The following RAB11FIP4 variants were observed in gnomAD, a reference collection of about 807,000 sequenced individuals.
RAB11FIP4 encodes the protein rab11 family-interacting protein 4.
In RAB11FIP4, 23 loss-of-function variants were observed where a neutral mutation model predicts 74.3. That is an observed-to-expected ratio of 0.31 (90% confidence interval 0.22 to 0.44). The LOEUF is 0.44. Among genes scored for constraint, RAB11FIP4 ranks in the 20% least tolerant of loss-of-function variants. RAB11FIP4 has a pLI of 1.00. For synonymous variants in RAB11FIP4, 360 were observed against 359.9 expected (o/e 1.00, Z 0.00); for missense variants, 630 against 863.9 (o/e 0.73, Z 3.39).
chr17:31,427,763 G>A (rs1325428067), intron 1 of RAB11FIP4, among the ~76,000 whole-genome samples: 1 of 152,194 alleles, frequency 6.6e-6, no homozygotes, highest in Non-Finnish European at 1.5e-5. Context: ...CCCCTATAAT[G>A]CCAGCGATGC....
At chr17:31,441,032 T>G (rs2071402630) in intron 3 of RAB11FIP4, among the ~76,000 whole-genome samples, 1 of 152,154 alleles carries the variant, frequency 6.6e-6, no homozygotes, top group African/African-American at 2.4e-5. Context: ...TTTGGTTTTT[T>G]GGGTTTTTTG....
chr17:31,455,177 G>A (rs886807640), intron 3 of RAB11FIP4, among the ~76,000 whole-genome samples: 4 of 152,158 alleles, frequency 2.6e-5, no homozygotes, highest in Non-Finnish European at 5.9e-5. Flanking sequence ...GTCAGACCCA[G>A]GGTTTATATA....
At chr17:31,451,684 G>A (rs2071529125) in intron 3 of RAB11FIP4, among the ~76,000 whole-genome samples, 1 of 152,122 alleles carries the variant, frequency 6.6e-6, no homozygotes, top group South Asian at 2.1e-4. Flanking sequence ...TCTGCACAGG[G>A]CCTTTGCCTG....
At chr17:31,392,532 A>G (rs2070884824) in intron 1 of RAB11FIP4, 2 of 152,246 alleles carry the variant, frequency 1.3e-5, no homozygotes, top group African/African-American at 4.8e-5. Context: ...CTCCCGGGCC[A>G]GTGTCGGGTG....
chr17:31,458,020 C>T (rs2071595947), intron 3 of RAB11FIP4, among the ~76,000 whole-genome samples: 1 of 152,204 alleles, frequency 6.6e-6, no homozygotes, highest in Non-Finnish European at 1.5e-5. Context: ...CCATGCTAAT[C>T]TCCTTTAACC....
In RAB11FIP4 at chr17:31,413,763, G is replaced by A. The variant is rs74979614; in HGVS notation, c.160-18050G>A. On this transcript the variant is annotated intron_variant, in intron 1 of 14. Transcript: ENST00000621161. ...TGCAAGGATTTGGGGTAACACCTTC[G>A]AGGGGGTTACATTGTGATGGATTCT... Among the ~76,000 whole-genome samples the A allele has an allele frequency of 5.5e-4, 84 of 152,234 alleles. 2 individuals carry two copies. In the East Asian group the frequency reaches 0.012, roughly 21 times the overall value.
intron 3 of RAB11FIP4, chr17:31,509,170 A>T (rs1258996450): frequency 1.3e-5 from 2 of 152,572 alleles, no homozygotes; most frequent in Non-Finnish European, 2.9e-5. Context: ...CAAGCCCAGG[A>T]GTTTGAAACC....
At chr17:31,488,804 G>C (rs1429162275) in intron 3 of RAB11FIP4, among the ~76,000 whole-genome samples, 1 of 152,212 alleles carries the variant, frequency 6.6e-6, no homozygotes, top group African/African-American at 2.4e-5. Context: ...GTGGTGGGAG[G>C]TGTGTTGTGG....
intron 3 of RAB11FIP4, among the ~76,000 whole-genome samples, chr17:31,441,032 T>TG (rs1036036063): frequency 1.3e-5 from 2 of 152,154 alleles, no homozygotes; most frequent in Non-Finnish European, 2.9e-5. Flanking sequence ...TTTGGTTTTT[T>TG]GGGTTTTTTG....
intron 3 of RAB11FIP4, among the ~76,000 whole-genome samples, chr17:31,438,565 GC>G (rs2071381354): frequency 6.6e-6 from 1 of 151,892 alleles, no homozygotes; most frequent in African/African-American, 2.4e-5. Context: ...CCTGTCCTCA[GC>G]CTTCCTCTCT....
rs527809852 is a variant in RAB11FIP4, at chr17:31,486,020, G to A, written c.337-31631G>A. Among the ~76,000 whole-genome samples, 26 of 152,004 alleles carry A rather than the reference G, an allele frequency of 1.7e-4. 1 individual carries two copies. Among genetic ancestry groups the A allele is most frequent in the Admixed American group, 1.6e-3 (24 of 15,284 alleles). On this transcript the variant is annotated intron_variant, in intron 3 of 14. Coordinates refer to ENST00000621161, the MANE Select transcript of RAB11FIP4 (RefSeq NM_032932.6). Reference sequence around the variant, plus strand: ...GGAGGCCAAGGCGGGCAGATCATGAGGTTAGGAGTTCAAGACCAGCCTGGC... The same window carrying A: ...GGAGGCCAAGGCGGGCAGATCATGAAGTTAGGAGTTCAAGACCAGCCTGGC...
At chr17:31,520,094 CAAAAAAA>C (rs10612669) in intron 4 of RAB11FIP4, among the ~76,000 whole-genome samples, 2 of 91,774 alleles carry the variant, frequency 2.2e-5, no homozygotes, top group Non-Finnish European at 5.0e-5. Context: ...ACTCTGTCTC[CAAAAAAA>C]AAAAAAAAAA....
intron 3 of RAB11FIP4, among the ~76,000 whole-genome samples, chr17:31,479,361 G>C (rs1227377191): frequency 6.6e-6 from 1 of 152,190 alleles, no homozygotes; most frequent in Non-Finnish European, 1.5e-5. Context: ...CTTCAGAAAA[G>C]GCTTCCGCTA....
intron 7 of RAB11FIP4, chr17:31,522,631 T>C: frequency 1.8e-6 from 1 of 542,200 alleles, no homozygotes; most frequent in Non-Finnish European, 3.3e-6. Context: ...CTAGGTCACC[T>C]TGACTTCAGG....
intron 1 of RAB11FIP4, among the ~76,000 whole-genome samples, chr17:31,398,113 G>A (rs933908203): frequency 2.5e-4 from 38 of 151,716 alleles, no homozygotes; most frequent in African/African-American, 8.2e-4. Context: ...GCAGTGGCTC[G>A]TTGCAACCTC....
chr17:31,455,923 G>C (rs178868), intron 3 of RAB11FIP4, among the ~76,000 whole-genome samples: 85,848 of 151,494 alleles, frequency 0.57, 24,939 homozygotes, highest in African/African-American at 0.68. Context: ...CCTCCGCTGA[G>C]AGTGCCATCC....
intron 3 of RAB11FIP4, chr17:31,488,331 G>A (rs1460956685): frequency 2.4e-4 from 272 of 1,138,740 alleles, no homozygotes; most frequent in Non-Finnish European, 1.8e-4. Context: ...ACCTGGCTCG[G>A]CCCGGCCCGC....
intron 3 of RAB11FIP4, among the ~76,000 whole-genome samples, chr17:31,507,104 C>T (rs1464085735): frequency 6.6e-6 from 1 of 152,080 alleles, no homozygotes; most frequent in Non-Finnish European, 1.5e-5. Flanking sequence ...ATGGTGAAAC[C>T]CTTTCTCTAC....
Position 31,520,072 on chromosome 17 carries a change from C to T in RAB11FIP4, c.564-1094C>T, listed in dbSNP as rs956849026. On this transcript the variant is annotated intron_variant, in intron 4 of 14. Transcript: ENST00000621161. ...GTTGCACCAATGCACTCCAGCCAGG[C>T]GACAAAGCAAGACTCTGTCTCCAAA... 5.3e-5 allele frequency among the ~76,000 whole-genome samples: 7 copies of T among 131,818 alleles called. No homozygotes were observed. In the Admixed American group the frequency reaches 5.4e-4, roughly 10 times the overall value. 86.5% of individuals were successfully genotyped at this position (131,818 alleles called of 152,430 possible). A position where few individuals can be genotyped will look rare whatever the true frequency, so the allele number is the denominator to read the frequency against.
Sources: gnomAD v4.1 joint callset for allele counts (sites outside exome capture counted in the v4.1 genomes callset) on GRCh38, gnomAD v4.1.1 for gene constraint, MANE v1.5 for transcripts, NCBI Gene and HGNC (gene_info 2026-07-23, HGNC 2026-07-21) for gene names.